The following TMEM51 variants were observed in gnomAD, a reference collection of about 807,000 sequenced individuals.
The protein encoded by TMEM51 is chromosome 1 open reading frame 72.
Under a neutral mutation model 13.6 loss-of-function variants are expected in TMEM51, and 8 were observed. That is an observed-to-expected ratio of 0.59 (90% CI 0.35 to 1.07). The LOEUF is 1.07. Ranked by LOEUF, TMEM51 falls within the 50% of genes least tolerant of loss-of-function variation. The pLI is 0.02. For synonymous variants in TMEM51, 147 were observed against 144.4 expected, an observed-to-expected ratio of 1.02 and a Z score of -0.13; for missense variants, 279 against 330.7, an observed-to-expected ratio of 0.84 and a Z score of 1.21.
intron 1 of TMEM51, chr1:15,192,454 TC>T (rs376151341): frequency 5.9e-4 from 141 of 237,550 alleles, no homozygotes; most frequent in Middle Eastern, 3.2e-3. Flanking sequence ...TTCTTTCTTT[TC>T]TTTTCCTTTT....
At chr1:15,158,535 G>T (rs1364285452) in intron 1 of TMEM51, among the ~76,000 whole-genome samples, 1 of 152,198 alleles carries the variant, frequency 6.6e-6, no homozygotes, top group Non-Finnish European at 1.5e-5. Context: ...TAGGCATGGG[G>T]TTAGGCAAGT....
chr1:15,211,543 G>A (rs1644338163), intron 2 of TMEM51, among the ~76,000 whole-genome samples: 1 of 152,122 alleles, frequency 6.6e-6, no homozygotes, highest in Admixed American at 6.5e-5. Context: ...CTATGAGGTA[G>A]GTACTAGAGA....
upstream of TMEM51, among the ~76,000 whole-genome samples, chr1:15,153,110 G>A (rs1183183671): frequency 3.3e-5 from 5 of 152,312 alleles, no homozygotes; most frequent in East Asian, 9.7e-4. Context: ...GGCCGAGGGC[G>A]TGAGCTGACT....
chr1:15,159,311 G>C (rs1261039860), intron 1 of TMEM51, among the ~76,000 whole-genome samples: 1 of 152,200 alleles, frequency 6.6e-6, no homozygotes, highest in Non-Finnish European at 1.5e-5. Flanking sequence ...ACATTGAGGA[G>C]AATCTGCAGA....
chr1:15,160,317 A>G (rs138531072), intron 1 of TMEM51, among the ~76,000 whole-genome samples: 10,212 of 152,272 alleles, frequency 0.067, 457 homozygotes, highest in Non-Finnish European at 0.099. Flanking sequence ...TCTGTTGCCC[A>G]GGCTGGAGTG....
In TMEM51 at chr1:15,220,368, T is replaced by C. The variant is rs1336289265; in HGVS notation, c.*625T>C. Reference sequence around the variant, plus strand: ...TGGTACACTTAACTAGTCTCTTCTGTGTAACAGCAAAAAAAAAAAAAAAAA... The same window carrying C: ...TGGTACACTTAACTAGTCTCTTCTGCGTAACAGCAAAAAAAAAAAAAAAAA... On this transcript the variant is annotated 3_prime_UTR_variant, in exon 4 of 4. Transcript: ENST00000376008. The C allele has an allele frequency of 9.3e-6, 1 of 107,354 alleles. No homozygotes were observed. The highest frequency in any genetic ancestry group is 3.5e-5 in the African/African-American group (1 of 28,616). The allele number at this position is 107,354 out of a possible 1,614,324, so 6.7% of individuals were successfully genotyped here. A position where few individuals can be genotyped will look rare whatever the true frequency, so the allele number is the denominator to read the frequency against.
intron 2 of TMEM51, among the ~76,000 whole-genome samples, chr1:15,211,208 T>C (rs4661606): frequency 0.32 from 49,043 of 152,098 alleles, 8,157 homozygotes; most frequent in Non-Finnish European, 0.37. Flanking sequence ...TTCTCAACCT[T>C]TTCCGCCACC....
intron 1 of TMEM51, among the ~76,000 whole-genome samples, chr1:15,170,347 T>G (rs1029971054): frequency 5.9e-4 from 23 of 39,258 alleles, no homozygotes; most frequent in Non-Finnish European, 7.1e-4. Context: ...TACTGCTGGG[T>G]TTTTTTTTAT....
At chr1:15,201,760 C>G (rs542267589) in intron 1 of TMEM51, among the ~76,000 whole-genome samples, 1 of 152,232 alleles carries the variant, frequency 6.6e-6, no homozygotes, top group East Asian at 1.9e-4. Context: ...GGTTTGGGAA[C>G]CACTTCTACA....
At chr1:15,158,161 C>G (rs1431774122) in intron 1 of TMEM51, among the ~76,000 whole-genome samples, 1 of 152,160 alleles carries the variant, frequency 6.6e-6, no homozygotes, top group African/African-American at 2.4e-5. Flanking sequence ...AGTGACTTCA[C>G]GCAGGATCTA....
At chr1:15,191,082 C>T (rs1442682152) in intron 1 of TMEM51, among the ~76,000 whole-genome samples, 4 of 152,196 alleles carry the variant, frequency 2.6e-5, no homozygotes, top group Non-Finnish European at 4.4e-5. Flanking sequence ...CCACTGCTCC[C>T]GGCCCCACAA....
At chr1:15,191,864 A>G in intron 1 of TMEM51, 1 of 427,040 alleles carries the variant, frequency 2.3e-6, no homozygotes, top group Non-Finnish European at 4.6e-6. Flanking sequence ...AGAAAGCTAC[A>G]GTAATTGACT....
At chr1:15,156,060 G>A (rs975870976) in intron 1 of TMEM51, among the ~76,000 whole-genome samples, 4 of 152,142 alleles carry the variant, frequency 2.6e-5, no homozygotes, top group Admixed American at 2.6e-4. Flanking sequence ...AGAGTAATGT[G>A]TGGCCTTCAC....
chr1:15,204,187 T>C (rs1043180322), intron 1 of TMEM51, among the ~76,000 whole-genome samples: 3 of 152,174 alleles, frequency 2.0e-5, no homozygotes, highest in Non-Finnish European at 4.4e-5. Flanking sequence ...GGCAGCAACG[T>C]GGGACAGGCT....
intron 1 of TMEM51, among the ~76,000 whole-genome samples, chr1:15,202,671 C>T (rs887438454): frequency 2.0e-5 from 3 of 152,212 alleles, no homozygotes; most frequent in African/African-American, 7.2e-5. Flanking sequence ...GGCTACTACT[C>T]ATCAAATTGG....
At chr1:15,201,163 C>T (rs1644149089) in intron 1 of TMEM51, among the ~76,000 whole-genome samples, 1 of 152,280 alleles carries the variant, frequency 6.6e-6, no homozygotes, top group African/African-American at 2.4e-5. Flanking sequence ...AGTTTCTTAA[C>T]TTCCCTAACT....
intron 1 of TMEM51, chr1:15,168,564 T>G (rs1233661400): frequency 1.5e-6 from 2 of 1,304,774 alleles, no homozygotes; most frequent in Admixed American, 4.6e-5. Context: ...CTGTTTTGTC[T>G]TGGGCTAAGA....
intron 1 of TMEM51, among the ~76,000 whole-genome samples, chr1:15,162,564 C>G (rs1642819660): frequency 6.6e-6 from 1 of 151,926 alleles, no homozygotes; most frequent in African/African-American, 2.4e-5. Flanking sequence ...ATTTGTACAC[C>G]CATGTTTATA....
At position 15,161,589 on chromosome 1, in the gene TMEM51, T is replaced by A. The variant is rs1196883069; in HGVS notation, c.-267+7635T>A. 6.6e-6 allele frequency among the ~76,000 whole-genome samples: 1 copy of A among 152,066 alleles called. No homozygotes were observed. Among genetic ancestry groups the A allele is most frequent in the African/African-American group, 2.4e-5 (1 of 41,342 alleles). On this transcript the variant is annotated intron_variant, in intron 1 of 3. Coordinates refer to ENST00000376008, the MANE Select transcript of TMEM51 (RefSeq NM_001136218.2). The surrounding 1 kb of genome is among the most constrained non-coding windows in gnomAD (Gnocchi z 4.0). ...TTTCACTTCTGGGTGCATACTTGTC[T>A]TAGTCCATTTGTGTTGCTGTAAAGA...
Sources: gnomAD v4.1 joint callset for allele counts (sites outside exome capture counted in the v4.1 genomes callset) on GRCh38, gnomAD v4.1.1 for gene constraint, Gnocchi (gnomAD v3.1) non-coding constraint, MANE v1.5 for transcripts, NCBI Gene and HGNC (gene_info 2026-07-23, HGNC 2026-07-21) for gene names.